The following NUDT22 variants were observed in gnomAD, a reference collection of about 807,000 sequenced individuals.
NUDT22 encodes the protein uridine diphosphate glucose pyrophosphatase NUDT22.
Under a neutral mutation model 28.8 loss-of-function variants are expected in NUDT22, and 23 were observed. The ratio of observed to expected loss-of-function variants is 0.80; its 90% CI spans 0.58 to 1.13. The LOEUF is 1.13. Among genes scored for constraint, NUDT22 ranks in the 50% most tolerant of loss-of-function variants. The pLI, the probability that NUDT22 is intolerant of heterozygous loss-of-function variation, is 0.00. For missense variants in NUDT22, 358 were observed against 387.3 expected (o/e 0.92, Z 0.64); for synonymous variants, 175 against 173.7 (o/e 1.01, Z -0.06).
Position 64,229,965 on chromosome 11 carries a change from C to T in NUDT22, c.887C>T (p.Ser296Phe), listed in dbSNP as rs767536216. The T allele has an allele frequency of 3.1e-6, 5 of 1,613,004 alleles. No homozygotes were observed. The South Asian group carries it at 4.4e-5, about 14-fold the overall frequency. Residue 296 changes from serine to phenylalanine, a missense_variant, in exon 6 of 6, where the codon TCC becomes TTC. Physicochemically the swap from Ser to Phe is radical, Grantham distance 155. Coordinates refer to ENST00000279206, the MANE Select transcript of NUDT22 (RefSeq NM_032344.4). ...AGTCCCACTGGAGCGGCCCTAGGGTCCCCAGCCCTACTCCCGCCGCTCTGA... is the reference window on the plus strand; with the variant it reads ...AGTCCCACTGGAGCGGCCCTAGGGTTCCCAGCCCTACTCCCGCCGCTCTGA... ...QGSPTGAALG[S>F]PALLPPL
Position 64,227,474 on chromosome 11 carries a change from C to T in NUDT22, c.481-94C>T, listed in dbSNP as rs532631470. ...CTAACTCTCTTACACTGTGCCACAT[C>T]AGACCCTCAAGGCCAGCAGGTATAG... On this transcript the variant is annotated intron_variant, in intron 2 of 5. Transcript: ENST00000279206. The T allele has an allele frequency of 4.4e-5, 41 of 940,576 alleles. No individual in the cohort carries two copies. The African/African-American group carries it at 5.7e-4, about 13-fold the overall frequency. The allele number at this position is 940,576 out of a possible 1,614,324, so 58.3% of individuals were successfully genotyped here. A position where few individuals can be genotyped will look rare whatever the true frequency, so the allele number is the denominator to read the frequency against.
In NUDT22 at chr11:64,226,736, C is replaced by T. The variant is rs1947033580; in HGVS notation, c.84C>T (p.Ala28=). The T allele has an allele frequency of 6.2e-7, 1 of 1,610,492 alleles. No homozygotes were observed. Among genetic ancestry groups the T allele is most frequent in the East Asian group, 2.2e-5 (1 of 44,874 alleles). The change falls in exon 2 of 6, where the codon GCC becomes GCT. Residue 28 remains alanine, a synonymous_variant. Transcript: ENST00000279206. ...AGATACAGGCCGAGCTGAGCCCCGC[C>T]CATGACCGTCGCCCACTGCCAGGTG... The part of the protein sequence containing the change: ...QEQIQAELSP[A]HDRRPLPGGD...
chr11:64,227,803 A>G (rs1032928436), intron 3 of NUDT22, 137 bp downstream of exon 3: 1 of 659,324 alleles, frequency 1.5e-6, no homozygotes, highest in East Asian at 2.7e-5. Context: ...CTTTGCAGCT[A>G]TACATACTTG....
rs2134995301 is a variant in NUDT22 at position 64,229,465 on chromosome 11, T to G, written c.678-13T>G. On this transcript the variant is annotated splice_polypyrimidine_tract_variant and intron_variant, in intron 4 of 5. Coordinates refer to ENST00000279206, the MANE Select transcript of NUDT22 (RefSeq NM_032344.4). ...CTGGTCACCCACTAAGCCACCCTTG[T>G]GTTCTTGTCCAGGTGCAGCCTGACT... 1 of 1,613,908 alleles carries G rather than the reference T, an allele frequency of 6.2e-7. No homozygotes were observed. The highest frequency in any genetic ancestry group is 2.2e-5 in the East Asian group (1 of 44,880).
In NUDT22 at chr11:64,227,089, C is replaced by T; in HGVS notation, c.437C>T (p.Ala146Val). Reference sequence around the variant, plus strand: ...CGCCGCTCCCGGCAGGTGGCTGAGGCCCCTGGGCTGGTGGACGTACCTGGT... The same window carrying T: ...CGCCGCTCCCGGCAGGTGGCTGAGGTCCCTGGGCTGGTGGACGTACCTGGT... The part of the protein sequence containing the change: ...FLRRSRQVAE[A>V]PGLVDVPGGH... The change falls in exon 2 of 6, where the codon GCC becomes GTC. Residue 146 changes from alanine (A) to valine (V), a missense_variant. Transcript: ENST00000279206. 6.3e-7 allele frequency: 1 copy of T among 1,597,678 alleles called. No individual in the cohort carries two copies. Among genetic ancestry groups the T allele is most frequent in the South Asian group, 1.1e-5 (1 of 89,912 alleles).
Position 64,227,591 on chromosome 11 carries a change from C to T in NUDT22, c.504C>T (p.Pro168=). The T allele has an allele frequency of 6.2e-7, 1 of 1,613,958 alleles. No homozygotes were observed. Among genetic ancestry groups the T allele is most frequent in the Non-Finnish European group, 8.5e-7 (1 of 1,180,002 alleles). The change falls in exon 3 of 6, where the codon CCC becomes CCT. Residue 168 remains proline, a synonymous_variant. Coordinates refer to ENST00000279206, the MANE Select transcript of NUDT22 (RefSeq NM_032344.4). ...EPQALCPGGS[P]QHQDLAGQLV... ...AGGCCCTGTGCCCTGGTGGCAGCCC[C>T]CAGCACCAGGACCTCGCTGGGCAGC...
chr11:64,227,716 G>T (rs749231316), intron 3 of NUDT22, 50 bp downstream of exon 3: 7 of 1,470,244 alleles, frequency 4.8e-6, no homozygotes, highest in Non-Finnish European at 6.7e-6. Flanking sequence ...GGAGGGGGTA[G>T]GACTTGCCAG....
intron 3 of NUDT22, among the ~76,000 whole-genome samples, chr11:64,228,159 C>T (rs1250012500): frequency 6.7e-6 from 1 of 149,596 alleles, no homozygotes; most frequent in East Asian, 2.0e-4. Context: ...GTGTGAGCCA[C>T]TGCACCAGGC....
At chr11:64,229,158 G>T in intron 3 of NUDT22, 89 bp from the exon 4 acceptor site, 1 of 815,046 alleles carries the variant, frequency 1.2e-6, no homozygotes. Context: ...CTGTACACAG[G>T]TAACAGGCGG....
intron 3 of NUDT22, among the ~76,000 whole-genome samples, chr11:64,228,090 C>G (rs1033312591): frequency 6.6e-6 from 1 of 151,074 alleles, no homozygotes; most frequent in African/African-American, 2.4e-5. Context: ...CCAGGATGGT[C>G]TTGATCTCCT....
chr11:64,227,148 G>A lies in NUDT22; in HGVS notation c.480+16G>A. 2 of 1,575,454 alleles carry A rather than the reference G, an allele frequency of 1.3e-6. No homozygotes were observed. The highest frequency in any genetic ancestry group is 1.7e-6 in the Non-Finnish European group (2 of 1,166,602). On this transcript the variant is annotated intron_variant, in intron 2 of 5. Coordinates refer to ENST00000279206, the MANE Select transcript of NUDT22 (RefSeq NM_032344.4). Reference sequence around the variant, plus strand: ...TGAGCCTCAGGTGAGATTCCAGGCTGGGCACAAAGACCCAGACAGCTCAAG... The same window carrying A: ...TGAGCCTCAGGTGAGATTCCAGGCTAGGCACAAAGACCCAGACAGCTCAAG...
rs1224628347 is a variant in NUDT22, at chr11:64,226,692, G to A, written c.40G>A (p.Gly14Arg). 9.9e-6 allele frequency: 16 copies of A among 1,608,310 alleles called. No homozygotes were observed. The highest frequency in any genetic ancestry group is 1.4e-5 in the Non-Finnish European group (16 of 1,178,334). ...EVTLLLQCPG[G>R]GLPQEQIQAE... Reference sequence around the variant, plus strand: ...GACCTTGCTGCTGCAGTGCCCTGGCGGGGGCCTGCCCCAGGAGCAGATACA... The same window carrying A: ...GACCTTGCTGCTGCAGTGCCCTGGCAGGGGCCTGCCCCAGGAGCAGATACA... The change falls in exon 2 of 6, where the codon GGG becomes AGG. Residue 14 changes from glycine (G) to arginine (R), a missense_variant. Physicochemically the swap from Gly to Arg is moderately radical, Grantham distance 125. Transcript: ENST00000279206.
intron 5 of NUDT22, 23 bp from the exon 6 acceptor site, chr11:64,229,827 T>C (rs1236628070): frequency 6.2e-7 from 1 of 1,612,762 alleles, no homozygotes; most frequent in Non-Finnish European, 8.5e-7. Flanking sequence ...CTTGAATGCC[T>C]GGGTCTCGTT....
In NUDT22 at chr11:64,229,983, C is replaced by G. The variant is rs570468118; in HGVS notation, c.905C>G (p.Pro302Arg). The G allele has an allele frequency of 6.2e-7, 1 of 1,611,708 alleles. No individual in the cohort carries two copies. Among genetic ancestry groups the G allele is most frequent in the Admixed American group, 1.7e-5 (1 of 59,656 alleles). The stretch of plus-strand genomic sequence containing the variant: ...CTAGGGTCCCCAGCCCTACTCCCGC[C>G]GCTCTGAAAATAATAAACGACTTTA... Reference protein sequence around the residue: ...AALGSPALLPPL With the variant: ...AALGSPALLPRL Residue 302 changes from proline to arginine, a missense_variant, in exon 6 of 6, where the codon CCG (proline) becomes CGG (arginine). Physicochemically the swap from Pro to Arg is moderately radical, Grantham distance 103. Transcript: ENST00000279206.
At chr11:64,230,234 G>T (rs771033854), downstream of NUDT22, 7 of 659,562 alleles carry the variant, frequency 1.1e-5, no homozygotes, top group South Asian at 1.1e-4. Context: ...CTGCAGAGGG[G>T]AGCAACAGCG....
In NUDT22 at chr11:64,229,983, C is replaced by A; in HGVS notation, c.905C>A (p.Pro302Gln). 1.9e-6 allele frequency: 3 copies of A among 1,611,710 alleles called. No individual in the cohort carries two copies. The highest frequency in any genetic ancestry group is 1.7e-4 in the Middle Eastern group (1 of 6,058). ...AALGSPALLP[P>Q]L ...CTAGGGTCCCCAGCCCTACTCCCGC[C>A]GCTCTGAAAATAATAAACGACTTTA... is the stretch of plus-strand genomic sequence containing the variant. Residue 302 changes from proline to glutamine, a missense_variant, in exon 6 of 6, where the codon CCG becomes CAG. Transcript: ENST00000279206.
At chr11:64,228,685 G>C (rs966067852) in intron 3 of NUDT22, 1 of 150,616 alleles carries the variant, frequency 6.6e-6, no homozygotes, top group Non-Finnish European at 1.5e-5. Flanking sequence ...AAAGGAGTAA[G>C]TGTGGCAGGG....
Position 64,226,612 on chromosome 11 carries a change from GGCCTGGCCGTATCCTCC to G in NUDT22, c.-18-22_-18-6del. On this transcript the variant is annotated splice_region_variant and splice_polypyrimidine_tract_variant and intron_variant, in intron 1 of 5. Coordinates refer to ENST00000279206, the MANE Select transcript of NUDT22 (RefSeq NM_032344.4). Reference sequence around the variant, plus strand: ...GTGGTAGTGGCCCCCCTGGATGACAGGCCTGGCCGTATCCTCCCCCAGAGCTGCCCCGTTCAGACCAT... The same window carrying G: ...GTGGTAGTGGCCCCCCTGGATGACAGCCCAGAGCTGCCCCGTTCAGACCAT... 6.5e-7 allele frequency: 1 copy of G among 1,532,704 alleles called. No homozygotes were observed. Among genetic ancestry groups the G allele is most frequent in the Non-Finnish European group, 8.7e-7 (1 of 1,142,916 alleles). 94.9% of individuals were successfully genotyped at this position (1,532,704 alleles called of 1,614,324 possible).
chr11:64,229,767 C>G, intron 5 of NUDT22, 83 bp from the exon 6 acceptor site: 1 of 1,572,456 alleles, frequency 6.4e-7, no homozygotes, highest in Non-Finnish European at 8.7e-7. Flanking sequence ...GTGCAGAGGT[C>G]TCTGAGGCTC....
Sources: allele counts gnomAD v4.1 joint callset (sites outside exome capture counted in the v4.1 genomes callset), GRCh38; gene constraint gnomAD v4.1.1; transcripts MANE v1.5; gene names NCBI Gene and HGNC (gene_info 2026-07-23, HGNC 2026-07-21).